MED17: variants seen among roughly 807,000 people sequenced by gnomAD.
The protein encoded by MED17 is mediator of RNA polymerase II transcription subunit 17.
Under a neutral mutation model 80.8 loss-of-function variants are expected in MED17, and 49 were observed. That is an observed-to-expected ratio of 0.61 (90% CI 0.48 to 0.77). The LOEUF (loss-of-function observed/expected upper bound fraction) is 0.77, where lower values mean the gene tolerates loss of function less well. MED17 is among the 30% of genes least tolerant of loss of function. The pLI, the probability that MED17 is intolerant of heterozygous loss-of-function variation, is 0.00. For synonymous variants in MED17, 281 were observed against 280.4 expected, an observed-to-expected ratio of 1.00 and a Z score of -0.02; for missense variants, 718 against 787.0, an observed-to-expected ratio of 0.91 and a Z score of 1.05.
At position 93,807,591 on chromosome 11, in the gene MED17, C is replaced by G; in HGVS notation, c.1540C>G (p.Leu514Val). The change falls in exon 10 of 12, where the codon CTG becomes GTG. Residue 514 changes from leucine to valine, a missense_variant. Transcript: ENST00000251871. ...VVHRDGRVIT[L>V]SYQEQELQDF... ...ACATAGAGATGGAAGAGTAATTACA[C>G]TGTCTTATCAGGAGCAGGAGCTACA... is the stretch of plus-strand genomic sequence containing the variant. 6.2e-7 allele frequency: 1 copy of G among 1,613,292 alleles called. No homozygotes were observed.
chr11:93,791,360 G>T (rs1460849700), intron 3 of MED17, among the ~76,000 whole-genome samples: 1 of 152,122 alleles, frequency 6.6e-6, no homozygotes, highest in Non-Finnish European at 1.5e-5. Context: ...TTTTTAGTTA[G>T]AAATGAGGTA....
chr11:93,789,393 C>G (rs12573881), intron 2 of MED17: 1 of 152,182 alleles, frequency 6.6e-6, no homozygotes, highest in African/African-American at 2.4e-5. Flanking sequence ...ACTGCCTTTT[C>G]TACTATTCTG....
At chr11:93,801,715 C>T (rs1591388309) in intron 8 of MED17, 120 bp from the exon 9 acceptor site, 1 of 907,820 alleles carries the variant, frequency 1.1e-6, no homozygotes, top group African/African-American at 1.6e-5. Context: ...TCTGCCTACA[C>T]ATAGTGGTAG....
intron 3 of MED17, among the ~76,000 whole-genome samples, chr11:93,792,855 T>C (rs1943853509): frequency 6.6e-6 from 1 of 152,060 alleles, no homozygotes; most frequent in Non-Finnish European, 1.5e-5. Flanking sequence ...GTGGGAGGAT[T>C]GTTAAATCCT....
At chr11:93,809,691 A>C in intron 10 of MED17, 26 bp from the exon 11 acceptor site, 1 of 1,613,788 alleles carries the variant, frequency 6.2e-7, no homozygotes, top group Non-Finnish European at 8.5e-7. Context: ...GCTGACTGTC[A>C]GTCAAGTGTC....
chr11:93,802,871 G>A (rs932774248), intron 9 of MED17, among the ~76,000 whole-genome samples: 1 of 152,200 alleles, frequency 6.6e-6, no homozygotes, highest in Admixed American at 6.5e-5. Context: ...CAAATCACAA[G>A]TTAATGCAAT....
chr11:93,810,041 A>G, intron 11 of MED17, 165 bp downstream of exon 11: 1 of 699,814 alleles, frequency 1.4e-6, no homozygotes, highest in South Asian at 1.6e-5. Context: ...GCAGAGCAAG[A>G]GATTATTATT....
In MED17 at chr11:93,807,612, C is replaced by G; in HGVS notation, c.1561C>G (p.Leu521Val). ...TACACTGTCTTATCAGGAGCAGGAG[C>G]TACAGGATTTTCTTCTGTCTCAGGT... ...VITLSYQEQE[L>V]QDFLLSQMSQ... The change falls in exon 10 of 12, where the codon CTA becomes GTA. Residue 521 changes from leucine to valine, a missense_variant. Transcript: ENST00000251871. 5 of 1,609,966 alleles carry G rather than the reference C, an allele frequency of 3.1e-6. No individual in the cohort carries two copies. The highest frequency in any genetic ancestry group is 3.4e-6 in the Non-Finnish European group (4 of 1,176,384).
chr11:93,811,813 G>A (rs781145460), intron 11 of MED17, 40 bp from the exon 12 acceptor site: 8 of 1,505,800 alleles, frequency 5.3e-6, no homozygotes, highest in Non-Finnish European at 7.4e-6. Context: ...TTCTAGTTTG[G>A]TAAACTAGAG....
chr11:93,803,007 T>C (rs1208676604), intron 9 of MED17, among the ~76,000 whole-genome samples: 1 of 152,236 alleles, frequency 6.6e-6, no homozygotes, highest in African/African-American at 2.4e-5. Context: ...ATTTCCTTTT[T>C]GTCTCAGTTT....
chr11:93,811,981 G>C lies in MED17; in HGVS notation c.1873G>C (p.Val625Leu). Reference protein sequence around the residue: ...WSHLRGPFKEVQWNKMEGRNF... With the variant: ...WSHLRGPFKELQWNKMEGRNF... ...TCATCTTCGTGGGCCATTCAAAGAA[G>C]TTCAGTGGAATAAAATGGAAGGTCG... The change falls in exon 12 of 12, where the codon GTT becomes CTT. Residue 625 changes from valine (V) to leucine (L), a missense_variant. Transcript: ENST00000251871. 1 of 1,614,088 alleles carries C rather than the reference G, an allele frequency of 6.2e-7. No homozygotes were observed. The highest frequency in any genetic ancestry group is 8.5e-7 in the Non-Finnish European group (1 of 1,179,996).
intron 3 of MED17, 92 bp downstream of exon 3, chr11:93,790,885 T>C: frequency 9.0e-7 from 1 of 1,114,514 alleles, no homozygotes; most frequent in South Asian, 1.3e-5. Flanking sequence ...GGCAGTTGGA[T>C]CACTTGAGGC....
At chr11:93,803,830 T>C (rs1241956283) in intron 9 of MED17, among the ~76,000 whole-genome samples, 1 of 151,630 alleles carries the variant, frequency 6.6e-6, no homozygotes, top group East Asian at 1.9e-4. Flanking sequence ...AAAGAAAGAT[T>C]AGTGATGATG....
chr11:93,794,041 G>C lies in MED17; in HGVS notation c.859+6G>C. The C allele has an allele frequency of 6.2e-7, 1 of 1,608,292 alleles. No homozygotes were observed. Among genetic ancestry groups the C allele is most frequent in the Non-Finnish European group, 8.5e-7 (1 of 1,174,856 alleles). On this transcript the variant is annotated splice_donor_region_variant and intron_variant, in intron 5 of 11. Transcript: ENST00000251871. ...TTTGCCCAAATCCAAACCAGGTATG[G>C]TTATGTTCTATTCTCTAATTTCTGG...
At chr11:93,797,822 T>C (rs1197952009) in intron 8 of MED17, 103 bp downstream of exon 8, 17 of 1,073,860 alleles carry the variant, frequency 1.6e-5, no homozygotes, top group Non-Finnish European at 9.6e-6. Context: ...GACTTTTTTA[T>C]TTTAGGGAGA....
chr11:93,796,387 GTCC>G lies in MED17; in HGVS notation c.1013-18_1013-16del, dbSNP rs1024026029. On this transcript the variant is annotated intron_variant, in intron 6 of 11. Transcript: ENST00000251871. ...TCCATATTTCAGGTTATTTACATAT[GTCC>G]TCCTTCTTTTTATAAATAGGCTTGC... 8 of 1,597,704 alleles carry G rather than the reference GTCC, an allele frequency of 5.0e-6. No individual in the cohort carries two copies. The highest frequency in any genetic ancestry group is 4.0e-5 in the African/African-American group (3 of 74,672).
chr11:93,797,488 G>A (rs1417780274), intron 7 of MED17, 47 bp from the exon 8 acceptor site: 1 of 1,495,190 alleles, frequency 6.7e-7, no homozygotes, highest in African/African-American at 1.4e-5. Flanking sequence ...ATATTATGTA[G>A]CATTTACTAT....
intron 1 of MED17, among the ~76,000 whole-genome samples, chr11:93,787,358 A>T (rs1448654543): frequency 6.6e-6 from 1 of 152,026 alleles, no homozygotes; most frequent in Admixed American, 6.6e-5. Context: ...GCTTGCAGTG[A>T]GCTGAGATCG....
At position 93,811,890 on chromosome 11, in the gene MED17, TCA is replaced by T; in HGVS notation, c.1783_1784del (p.Gln595ValfsTer4). The T allele has an allele frequency of 3.1e-6, 5 of 1,614,132 alleles. No individual in the cohort carries two copies. Among genetic ancestry groups the T allele is most frequent in the Non-Finnish European group, 4.2e-6 (5 of 1,180,022 alleles). ...CTGAAAGTGGCAGCAAGATTATGGT[TCA>T]GTTTCCTCGTAACCAATGTAAAGAC... ...GPESGSKIMV[Q>X]FPRNQCKDLP... On this transcript the variant is annotated frameshift_variant, in exon 12 of 12. Coordinates refer to ENST00000251871, the MANE Select transcript of MED17 (RefSeq NM_004268.5). LOFTEE classifies it high-confidence loss of function.
Sources: gnomAD v4.1 joint callset for allele counts (sites outside exome capture counted in the v4.1 genomes callset) on GRCh38, gnomAD v4.1.1 for gene constraint, MANE v1.5 for transcripts, NCBI Gene and HGNC (gene_info 2026-07-23, HGNC 2026-07-21) for gene names.